Variants in IFT46 observed in about 807,000 individuals in gnomAD.
IFT46 encodes the protein intraflagellar transport protein 46 homolog.
A neutral mutation model predicts 39.6 loss-of-function variants in IFT46; 19 were observed. The observed-to-expected ratio is 0.48, with a 90% CI of 0.33 to 0.70. The LOEUF (loss-of-function observed/expected upper bound fraction) is 0.70. IFT46 is among the 30% of genes least tolerant of loss of function. The pLI is 0.01. For synonymous variants in IFT46, 117 were observed against 134.8 expected (o/e 0.87, Z 0.91); for missense variants, 334 against 364.8 (o/e 0.92, Z 0.69).
chr11:118,572,350 C>CCCCCCCCCCCCCCCCCCCCCT, intron 1 of IFT46: 1 of 97,818 alleles, frequency 1.0e-5, no homozygotes. Context: ...CAGGCCCCGC[C>CCCCCCCCCCCCCCCCCCCCCT]CCCCCCCCCG....
chr11:118,557,772 AC>A, intron 3 of IFT46: 1 of 1,613,812 alleles, frequency 6.2e-7, no homozygotes, highest in Non-Finnish European at 8.5e-7. Flanking sequence ...GTACCATCCC[AC>A]CCTCTCAAGT....
chr11:118,545,036 T>C (rs1555066713), intron 11 of IFT46, 25 bp from the exon 12 acceptor site: 11 of 1,489,436 alleles, frequency 7.4e-6, no homozygotes, highest in East Asian at 2.3e-5. Context: ...AGAGGGAATA[T>C]TGAGTATTAG....
chr11:118,572,701 T>C (rs1555072670), exon 1 of IFT46: 2 of 901,202 alleles, frequency 2.2e-6, no homozygotes, highest in East Asian at 5.8e-5. Flanking sequence ...TGTGGCCTCC[T>C]GTGCCCGGTC....
chr11:118,557,874 A>G (rs1555069862), intron 3 of IFT46: 2 of 1,603,948 alleles, frequency 1.2e-6, no homozygotes. Context: ...AGCCTGTGGC[A>G]TGCCCTCCCT....
intron 2 of IFT46, 116 bp from the exon 3 acceptor site, chr11:118,559,980 C>T (rs535779993): frequency 1.2e-4 from 81 of 650,666 alleles, no homozygotes; most frequent in Non-Finnish European, 2.1e-4. Flanking sequence ...TTTATTGGAA[C>T]ATCTGGCTAA....
At chr11:118,558,232 C>G (rs1032551938) in intron 3 of IFT46, among the ~76,000 whole-genome samples, 2 of 152,292 alleles carry the variant, frequency 1.3e-5, no homozygotes, top group Middle Eastern at 3.4e-3. Flanking sequence ...CTAGAGCATT[C>G]TTTCTCAATT....
rs202109484 is a variant in IFT46 at position 118,552,366 on chromosome 11, G to A, written c.484-31C>T. 1,687 of 1,612,012 alleles carry A rather than the reference G, an allele frequency of 1.0e-3. 2 individuals are homozygous for A. The highest frequency in any genetic ancestry group is 1.3e-3 in the Non-Finnish European group (1,505 of 1,179,288). The stretch of plus-strand genomic sequence containing the variant: ...AAAGTAAGGAGAAAGCCTAGCTGAT[G>A]GCACTGAAGTAGCTCTCTTGTTTTT... On this transcript the variant is annotated intron_variant, in intron 7 of 11. Transcript: ENST00000264021.
intron 8 of IFT46, 52 bp downstream of exon 8, chr11:118,552,162 G>T: frequency 1.2e-6 from 2 of 1,602,484 alleles, no homozygotes; most frequent in South Asian, 1.1e-5. Context: ...ACAGTTCACA[G>T]GTAGTGAAGG....
upstream of IFT46, among the ~76,000 whole-genome samples, chr11:118,570,990 C>T (rs1938324912): frequency 6.6e-6 from 1 of 152,124 alleles, no homozygotes; most frequent in Non-Finnish European, 1.5e-5. Flanking sequence ...ATCCTCCCAA[C>T]TCAGCCTCCC....
intron 7 of IFT46, among the ~76,000 whole-genome samples, 193 bp from the exon 8 acceptor site, chr11:118,552,528 C>T (rs1555068711): frequency 6.6e-6 from 1 of 152,170 alleles, no homozygotes; most frequent in East Asian, 1.9e-4. Flanking sequence ...GCATGGCGGT[C>T]ACACTTGTAA....
At chr11:118,558,971 C>A (rs1937936368) in intron 3 of IFT46, among the ~76,000 whole-genome samples, 1 of 148,882 alleles carries the variant, frequency 6.7e-6, no homozygotes, top group Admixed American at 6.6e-5. Flanking sequence ...CCTGTAATCC[C>A]AGCACCTTGG....
At position 118,572,440 on chromosome 11, in the gene IFT46, C is replaced by T. The variant is rs1938363230; in HGVS notation, c.-133+156G>A. 4 of 1,136,394 alleles carry T rather than the reference C, an allele frequency of 3.5e-6. No homozygotes were observed. In the Admixed American group the frequency reaches 7.9e-5, roughly 22 times the overall value. 70.4% of individuals were successfully genotyped at this position (1,136,394 alleles called of 1,614,324 possible). ...GCAAGAGGCGAAGCGGCAGCGGTTC[C>T]TGTCAAGGGGGCAGCAGGTCCAGAG... On this transcript the variant is annotated intron_variant, in intron 1 of 5. Transcript: ENST00000528378.
chr11:118,575,634 C>T (rs1306241860), upstream of IFT46, among the ~76,000 whole-genome samples: 11 of 152,066 alleles, frequency 7.2e-5, no homozygotes, highest in African/African-American at 2.2e-4. Flanking sequence ...TAGAAACTAG[C>T]CTTAATATGA....
At chr11:118,568,895 A>G (rs1247114472), upstream of IFT46, among the ~76,000 whole-genome samples, 1 of 151,280 alleles carries the variant, frequency 6.6e-6, no homozygotes, top group African/African-American at 2.4e-5. Flanking sequence ...ACCTCAAGTG[A>G]TCCGCCCACC....
intron 9 of IFT46, chr11:118,546,462 G>A: frequency 2.9e-6 from 1 of 347,624 alleles, no homozygotes; most frequent in Non-Finnish European, 5.4e-6. Context: ...CTGCACTCCA[G>A]CCTGGGCATA....
At chr11:118,545,721 A>G (rs1951665332) in intron 10 of IFT46, 72 bp downstream of exon 10, 1 of 1,481,584 alleles carries the variant, frequency 6.7e-7, no homozygotes. Context: ...TTCCCAGAGT[A>G]AACAAGCCTG....
upstream of IFT46, chr11:118,573,916 T>C (rs946472703): frequency 2.8e-5 from 13 of 459,278 alleles, no homozygotes; most frequent in African/African-American, 2.2e-4. Flanking sequence ...CAGTTCCCGT[T>C]TACACCCTGG....
chr11:118,566,362 T>C (rs184112246), upstream of IFT46, among the ~76,000 whole-genome samples: 569 of 152,306 alleles, frequency 3.7e-3, 4 homozygotes, highest in African/African-American at 0.013. Context: ...AACATACTTA[T>C]AGCAATAAAT....
At chr11:118,560,684 C>T (rs577866117) in intron 2 of IFT46, 15 of 567,458 alleles carry the variant, frequency 2.6e-5, no homozygotes, top group African/African-American at 2.1e-4. Flanking sequence ...GTCTCTGTTC[C>T]GCAGAATGGG....
Sources: allele counts gnomAD v4.1 joint callset (sites outside exome capture counted in the v4.1 genomes callset), GRCh38; gene constraint gnomAD v4.1.1; transcripts MANE v1.5; gene names NCBI Gene and HGNC (gene_info 2026-07-23, HGNC 2026-07-21).